The following KLC1 variants were observed in gnomAD, a reference collection of about 807,000 sequenced individuals.
The protein encoded by KLC1 is kinesin light chain 1.
Under a neutral mutation model 84.2 loss-of-function variants are expected in KLC1, and 30 were observed. The ratio of observed to expected loss-of-function variants is 0.36; its 90% CI spans 0.27 to 0.48. The LOEUF is 0.48. KLC1 is among the 20% of genes least tolerant of loss of function. KLC1 has a pLI of 0.99. For missense variants in KLC1, 499 were observed against 805.4 expected (o/e 0.62, Z 4.60); for synonymous variants, 289 against 293.3 (o/e 0.99, Z 0.15).
At chr14:103,690,008 C>T (rs779282640) in intron 14 of KLC1, among the ~76,000 whole-genome samples, 3 of 151,960 alleles carry the variant, frequency 2.0e-5, no homozygotes, top group Admixed American at 6.6e-5. Context: ...GGCGAAACCC[C>T]GTCTCTACTA....
At chr14:103,654,247 C>G (rs919751173) in intron 1 of KLC1, among the ~76,000 whole-genome samples, 2 of 152,194 alleles carry the variant, frequency 1.3e-5, no homozygotes, top group Admixed American at 6.6e-5. Context: ...TGCAAACATT[C>G]TGAGAAAAAA....
intron 9 of KLC1, among the ~76,000 whole-genome samples, chr14:103,673,877 C>G (rs10147049): frequency 6.6e-5 from 10 of 151,542 alleles, no homozygotes; most frequent in African/African-American, 2.2e-4. Flanking sequence ...GAGCCGAGAT[C>G]GTGCCACTGC....
intron 5 of KLC1, 86 bp downstream of exon 5, chr14:103,663,013 C>G (rs1416478953): frequency 1.2e-6 from 1 of 854,696 alleles, no homozygotes; most frequent in African/African-American, 1.8e-5. Context: ...TTTTATGTAT[C>G]TGTATAAACT....
At chr14:103,662,280 C>T in intron 4 of KLC1, 86 bp downstream of exon 4, 1 of 1,104,694 alleles carries the variant, frequency 9.1e-7, no homozygotes, top group Non-Finnish European at 1.4e-6. Context: ...CAGTGGCAGC[C>T]TTAGTGCATG....
At chr14:103,673,301 T>TA in intron 8 of KLC1, 31 bp from the exon 9 acceptor site, 1 of 1,541,520 alleles carries the variant, frequency 6.5e-7, no homozygotes, top group South Asian at 1.2e-5. Context: ...ATCTGAAAGA[T>TA]ATGAAATATT....
chr14:103,692,738 C>T (rs2082192555), intron 15 of KLC1, among the ~76,000 whole-genome samples: 2 of 152,148 alleles, frequency 1.3e-5, no homozygotes, highest in African/African-American at 4.8e-5. Flanking sequence ...CGACCAATTA[C>T]TAGTTTGTAT....
At chr14:103,657,464 C>T in intron 2 of KLC1, 82 bp from the exon 3 acceptor site, 1 of 1,044,338 alleles carries the variant, frequency 9.6e-7, no homozygotes, top group Non-Finnish European at 1.5e-6. Flanking sequence ...GCTACAGCCC[C>T]AGCCACAGAA....
chr14:103,696,140 T>C (rs944495965), intron 15 of KLC1: 45 of 935,542 alleles, frequency 4.8e-5, no homozygotes, highest in Non-Finnish European at 5.6e-5. Flanking sequence ...GCAGCGCCCG[T>C]CCCCAGCAAC....
intron 15 of KLC1, chr14:103,696,354 G>A (rs1437156876): frequency 2.0e-6 from 2 of 985,312 alleles, no homozygotes; most frequent in East Asian, 2.3e-4. Context: ...ACTTGGTCTT[G>A]TGTTTACAGT....
rs746119208 is a variant in KLC1, at chr14:103,675,771, G to C, written c.1379+15G>C. The C allele has an allele frequency of 6.2e-7, 1 of 1,612,072 alleles. No individual in the cohort carries two copies. The highest frequency in any genetic ancestry group is 8.5e-7 in the Non-Finnish European group (1 of 1,178,718). On this transcript the variant is annotated intron_variant, in intron 11 of 16. Transcript: ENST00000334553. ...AAAGTTGATAGGTATGTCTGGAATTGCGTTTGGCTGGAAAAACCAAAAAGC... is the reference window on the plus strand; with the variant it reads ...AAAGTTGATAGGTATGTCTGGAATTCCGTTTGGCTGGAAAAACCAAAAAGC...
At chr14:103,633,307 T>G (rs2076824544) in intron 1 of KLC1, among the ~76,000 whole-genome samples, 1 of 152,088 alleles carries the variant, frequency 6.6e-6, no homozygotes, top group Non-Finnish European at 1.5e-5. Flanking sequence ...TCCGCCCGCC[T>G]TGGCCTCTCA....
chr14:103,686,059 G>C, intron 13 of KLC1: 7 of 1,020,304 alleles, frequency 6.9e-6, no homozygotes, highest in Non-Finnish European at 7.1e-6. Context: ...TTAGAGCCCT[G>C]GGGGCCCCGC....
At chr14:103,671,155 C>T (rs1033033900) in intron 7 of KLC1, among the ~76,000 whole-genome samples, 4 of 151,950 alleles carry the variant, frequency 2.6e-5, no homozygotes, top group African/African-American at 9.7e-5. Flanking sequence ...CTTTATGAAG[C>T]TGAAAAATGA....
Position 103,693,745 on chromosome 14 carries a change from C to T in KLC1, c.1848+1320C>T, listed in dbSNP as rs992916582. Reference sequence around the variant, plus strand: ...TTCCTTTCCTAGATAGTGACGTCCACCAACCTTGGAGGTGCCTTTTCAAAA... The same window carrying T: ...TTCCTTTCCTAGATAGTGACGTCCATCAACCTTGGAGGTGCCTTTTCAAAA... On this transcript the variant is annotated intron_variant, in intron 15 of 16. Transcript: ENST00000334553. The surrounding 1 kb of genome is among the most constrained non-coding windows in gnomAD (Gnocchi z 5.1). The T allele has an allele frequency of 7.5e-5, 108 of 1,449,118 alleles. 1 individual carries two copies. Among genetic ancestry groups the T allele is most frequent in the Non-Finnish European group, 8.7e-5 (96 of 1,104,732 alleles). 89.8% of individuals were successfully genotyped at this position (1,449,118 alleles called of 1,614,324 possible). A position where few individuals can be genotyped will look rare whatever the true frequency, so the allele number is the denominator to read the frequency against.
chr14:103,644,496 T>TG (rs1276038291), intron 1 of KLC1, among the ~76,000 whole-genome samples: 2 of 152,078 alleles, frequency 1.3e-5, no homozygotes, highest in Non-Finnish European at 2.9e-5. Context: ...CCTGACCTCC[T>TG]GATCCACCCG....
At chr14:103,672,068 A>T (rs1249316911) in intron 7 of KLC1, among the ~76,000 whole-genome samples, 1 of 152,234 alleles carries the variant, frequency 6.6e-6, no homozygotes, top group Non-Finnish European at 1.5e-5. Flanking sequence ...CGCAGAGGGC[A>T]CATCAGCATC....
At chr14:103,659,604 G>GT (rs1164049695) in intron 3 of KLC1, among the ~76,000 whole-genome samples, 3 of 152,112 alleles carry the variant, frequency 2.0e-5, no homozygotes, top group African/African-American at 7.2e-5. Context: ...TGGAACTAAC[G>GT]TTTTTTAAAT....
chr14:103,646,102 C>T (rs1292349356), intron 1 of KLC1, among the ~76,000 whole-genome samples: 1 of 152,162 alleles, frequency 6.6e-6, no homozygotes, highest in African/African-American at 2.4e-5. Context: ...TGAGGTCCCT[C>T]ATTGACCAAA....
intron 15 of KLC1, chr14:103,699,600 T>C (rs2082940515): frequency 1.9e-6 from 3 of 1,612,136 alleles, no homozygotes; most frequent in Non-Finnish European, 2.5e-6. Flanking sequence ...TGTCATTGTC[T>C]ATGCTGGTCA....
Sources: gnomAD v4.1 joint callset for allele counts (sites outside exome capture counted in the v4.1 genomes callset) on GRCh38, gnomAD v4.1.1 for gene constraint, Gnocchi (gnomAD v3.1) non-coding constraint, MANE v1.5 for transcripts, NCBI Gene and HGNC (gene_info 2026-07-23, HGNC 2026-07-21) for gene names.